The following CDH18 variants were observed in gnomAD, a reference collection of about 807,000 sequenced individuals.
CDH18 encodes cadherin-18.
A neutral mutation model predicts 67.9 loss-of-function variants in CDH18; 31 were observed. The ratio of observed to expected loss-of-function variants is 0.46; its 90% confidence interval spans 0.34 to 0.62. CDH18 has a LOEUF of 0.62. CDH18 is among the 20% of genes least tolerant of loss of function. The pLI is 0.01. For synonymous variants in CDH18, 362 were observed against 347.2 expected, an observed-to-expected ratio of 1.04 and a Z score of -0.48; for missense variants, 890 against 975.5, an observed-to-expected ratio of 0.91 and a Z score of 1.17.
At chr5:20,180,470 TTC>T (rs1286266051) in intron 2 of CDH18, among the ~76,000 whole-genome samples, 2 of 152,180 alleles carry the variant, frequency 1.3e-5, no homozygotes, top group Non-Finnish European at 2.9e-5. Context: ...AAGATTGTGT[TTC>T]TGTTTTAAGG....
intron 1 of CDH18, among the ~76,000 whole-genome samples, chr5:20,491,886 T>C (rs563710037): frequency 6.6e-6 from 1 of 152,316 alleles, no homozygotes; most frequent in Admixed American, 6.5e-5. Flanking sequence ...AACAATTAAA[T>C]TATGGGCCTT....
At chr5:20,226,920 A>C (rs2126479745) in intron 2 of CDH18, among the ~76,000 whole-genome samples, 1 of 152,130 alleles carries the variant, frequency 6.6e-6, no homozygotes, top group South Asian at 2.1e-4. Flanking sequence ...AATTCGAATC[A>C]CTGGCTGGGT....
chr5:20,122,049 T>C (rs1223815015), intron 2 of CDH18, among the ~76,000 whole-genome samples: 1 of 152,108 alleles, frequency 6.6e-6, no homozygotes, highest in Non-Finnish European at 1.5e-5. Context: ...CACAATGAAG[T>C]ATGTAGAGAA....
rs1471492120 is a variant in CDH18 at position 20,020,775 on chromosome 5, AG to A, written c.-517-28762del. On this transcript the variant is annotated intron_variant, in intron 2 of 14. Transcript: ENST00000507958. ...AGAGCCCCCATGGAGAATCTCTACT[AG>A]GGCTGTACAGAGGATAAATGTGGGG... Among the ~76,000 whole-genome samples, 9 of 152,252 alleles carry A rather than the reference AG, an allele frequency of 5.9e-5. No individual in the cohort carries two copies. In the East Asian group the frequency reaches 1.7e-3, roughly 29 times the overall value.
chr5:19,571,561 G>A lies in CDH18; in HGVS notation c.1253+18C>T, dbSNP rs369692485. ...AATAAAAATCTTTCTATGTCTAAAC[G>A]ATTGAAGCATGCCATACCTTACTAA... On this transcript the variant is annotated intron_variant, in intron 8 of 12. Coordinates refer to ENST00000382275, the MANE Select transcript of CDH18 (RefSeq NM_004934.5). The A allele has an allele frequency of 1.2e-4, 188 of 1,605,486 alleles. No homozygotes were observed. Among genetic ancestry groups the A allele is most frequent in the Middle Eastern group, 1.7e-4 (1 of 6,054 alleles).
At chr5:19,704,757 G>A (rs1388820044) in intron 5 of CDH18, among the ~76,000 whole-genome samples, 1 of 152,086 alleles carries the variant, frequency 6.6e-6, no homozygotes, top group Non-Finnish European at 1.5e-5. Context: ...AGGTCACATA[G>A]CTCCAACATT....
rs113594292 is a variant in CDH18 at position 20,105,318 on chromosome 5, T to C, written c.-517-113304A>G. Among the ~76,000 whole-genome samples the C allele has an allele frequency of 2.2e-3, 332 of 152,292 alleles. 1 individual carries two copies. Among genetic ancestry groups the C allele is most frequent in the African/African-American group, 7.5e-3 (312 of 41,554 alleles). On this transcript the variant is annotated intron_variant, in intron 2 of 14. Transcript: ENST00000507958. ...GTATAATTTAATATAGTATTTATTA[T>C]GGGAGTTATGTACATAGAAACCAAA...
intron 2 of CDH18, among the ~76,000 whole-genome samples, chr5:20,024,257 A>G (rs528242643): frequency 6.1e-4 from 93 of 152,208 alleles, no homozygotes; most frequent in Non-Finnish European, 9.6e-4. Flanking sequence ...CTTTCTTTAG[A>G]GTTCAATTTT....
chr5:20,571,037 CTT>C (rs1758792624), intron 1 of CDH18, among the ~76,000 whole-genome samples: 1 of 152,138 alleles, frequency 6.6e-6, no homozygotes, highest in Admixed American at 6.6e-5. Flanking sequence ...CATGAGTCCT[CTT>C]GTTTCCTTAC....
intron 2 of CDH18, among the ~76,000 whole-genome samples, chr5:20,054,786 A>G (rs902265379): frequency 2.0e-5 from 3 of 152,176 alleles, no homozygotes; most frequent in African/African-American, 7.2e-5. Context: ...CCATTCTACA[A>G]AAGTATGGCT....
chr5:19,510,533 T>C (rs1442419077), intron 10 of CDH18, among the ~76,000 whole-genome samples: 4 of 152,170 alleles, frequency 2.6e-5, no homozygotes, highest in Non-Finnish European at 5.9e-5. Context: ...AAATGTATAG[T>C]GTTTTAAAGT....
intron 3 of CDH18, among the ~76,000 whole-genome samples, chr5:19,761,924 C>G (rs561686538): frequency 5.9e-5 from 9 of 152,208 alleles, no homozygotes; most frequent in African/African-American, 2.2e-4. Context: ...ACAGAGCCCT[C>G]AGAAATCATA....
At chr5:20,150,704 C>G (rs528515667) in intron 2 of CDH18, among the ~76,000 whole-genome samples, 7 of 151,874 alleles carry the variant, frequency 4.6e-5, no homozygotes, top group Non-Finnish European at 8.8e-5. Context: ...GAATAGCTGC[C>G]TATTGCAAAG....
chr5:20,198,248 G>T (rs944324170), intron 2 of CDH18, among the ~76,000 whole-genome samples: 1 of 152,194 alleles, frequency 6.6e-6, no homozygotes, highest in Admixed American at 6.5e-5. Flanking sequence ...AGTTTGGAGG[G>T]CAAGAAAAGA....
chr5:19,781,977 T>C (rs139600252), intron 3 of CDH18, among the ~76,000 whole-genome samples: 14 of 152,248 alleles, frequency 9.2e-5, no homozygotes, highest in African/African-American at 3.4e-4. Flanking sequence ...GAAAGAAAAA[T>C]ATATATTCTG....
chr5:20,259,023 T>C, intron 1 of CDH18, among the ~76,000 whole-genome samples: 1 of 152,054 alleles, frequency 6.6e-6, no homozygotes, highest in East Asian at 1.9e-4. Context: ...AGAAAACAAA[T>C]ACAGTGTTTG....
intron 2 of CDH18, among the ~76,000 whole-genome samples, chr5:19,860,434 T>TTC (rs1784770813): frequency 7.2e-6 from 1 of 139,238 alleles, no homozygotes; most frequent in East Asian, 2.0e-4. Flanking sequence ...CTTCTTCTTC[T>TTC]TTTTTTTTTT....
At chr5:19,958,639 C>G (rs1295505378) in intron 2 of CDH18, among the ~76,000 whole-genome samples, 1 of 152,038 alleles carries the variant, frequency 6.6e-6, no homozygotes, top group Non-Finnish European at 1.5e-5. Context: ...AAAATAGTCT[C>G]TATACCACAC....
chr5:20,402,629 G>A (rs1310397360), intron 1 of CDH18, among the ~76,000 whole-genome samples: 1 of 150,754 alleles, frequency 6.6e-6, no homozygotes, highest in Non-Finnish European at 1.5e-5. Context: ...TAAAAACGTG[G>A]ATATCTTAAC....
Sources: allele counts gnomAD v4.1 joint callset (sites outside exome capture counted in the v4.1 genomes callset), GRCh38; gene constraint gnomAD v4.1.1; transcripts MANE v1.5; gene names NCBI Gene and HGNC (gene_info 2026-07-23, HGNC 2026-07-21).